RIDA: variants seen among roughly 807,000 people sequenced by gnomAD.
RIDA encodes 2-iminobutanoate/2-iminopropanoate deaminase.
A neutral mutation model predicts 17.8 loss-of-function variants in RIDA; 17 were observed. The ratio of observed to expected loss-of-function variants is 0.96; its 90% CI spans 0.65 to 1.43. RIDA has a LOEUF of 1.43. Ranked by LOEUF, RIDA falls within the 40% of genes most tolerant of loss-of-function variation. RIDA has a pLI of 0.00. For missense variants in RIDA, 158 were observed against 161.7 expected, an observed-to-expected ratio of 0.98 and a Z score of 0.12; for synonymous variants, 48 against 55.7, an observed-to-expected ratio of 0.86 and a Z score of 0.62.
Position 98,117,089 on chromosome 8 carries a change from G to A in RIDA, c.8C>T (p.Ser3Phe), listed in dbSNP as rs773314805. Residue 3 changes from serine to phenylalanine, a missense_variant, in exon 1 of 6, where the codon TCC becomes TTC. Coordinates refer to ENST00000254878, the MANE Select transcript of RIDA (RefSeq NM_005836.3). Reference sequence around the variant, plus strand: ...GGTGCTGATCACCCTTCTGATCAAGGACGACATGGCTAAGCCTTCCCTCTT... The same window carrying A: ...GGTGCTGATCACCCTTCTGATCAAGAACGACATGGCTAAGCCTTCCCTCTT... The part of the protein sequence containing the change: MS[S>F]LIRRVISTAK... The A allele has an allele frequency of 1.2e-6, 2 of 1,614,144 alleles. No individual in the cohort carries two copies. Among genetic ancestry groups the A allele is most frequent in the Admixed American group, 3.3e-5 (2 of 60,038 alleles).
chr8:98,102,627 G>A lies in RIDA; in HGVS notation c.*215C>T. On this transcript the variant is annotated 3_prime_UTR_variant, in exon 6 of 6. Coordinates refer to ENST00000254878, the MANE Select transcript of RIDA (RefSeq NM_005836.3). ...CTCTTTCCTATATTCAGTAATACAG[G>A]TGCACACAGGTGTAATTTAAAAAAG... 2.4e-6 allele frequency: 1 copy of A among 418,768 alleles called. No individual in the cohort carries two copies. The allele number at this position is 418,768 out of a possible 1,614,324, so 25.9% of individuals were successfully genotyped here. A position where few individuals can be genotyped will look rare whatever the true frequency, so the allele number is the denominator to read the frequency against.
chr8:98,104,392 CT>C (rs1815605373), intron 5 of RIDA, 96 bp downstream of exon 5: 2 of 856,500 alleles, frequency 2.3e-6, no homozygotes, highest in Non-Finnish European at 3.9e-6. Flanking sequence ...CAGGCTACTT[CT>C]TTTAAGTTTC....
chr8:98,106,535 G>A (rs763915266), intron 2 of RIDA: 163 of 506,424 alleles, frequency 3.2e-4, no homozygotes, highest in Non-Finnish European at 4.5e-4. Flanking sequence ...CCTTTTGTGC[G>A]TAAAAAGACT....
rs985571019 is a variant in RIDA, at chr8:98,102,580, T to C, written c.*262A>G. 1.0e-5 allele frequency: 3 copies of C among 287,394 alleles called. No homozygotes were observed. The highest frequency in any genetic ancestry group is 6.5e-5 in the African/African-American group (3 of 46,126). 17.8% of individuals were successfully genotyped at this position (287,394 alleles called of 1,614,324 possible). A position where few individuals can be genotyped will look rare whatever the true frequency, so the allele number is the denominator to read the frequency against. On this transcript the variant is annotated 3_prime_UTR_variant, in exon 6 of 6. Coordinates refer to ENST00000254878, the MANE Select transcript of RIDA (RefSeq NM_005836.3). The stretch of plus-strand genomic sequence containing the variant: ...TACCTGGTATTTCTCTTTTGTTTAC[T>C]GAGTAACTATGTAATGGGTATCTCT...
rs1469478665 is a variant in RIDA at position 98,108,745 on chromosome 8, A to T, written c.72T>A (p.Ala24=). The T allele has an allele frequency of 1.2e-6, 2 of 1,600,900 alleles. No homozygotes were observed. The highest frequency in any genetic ancestry group is 1.7e-5 in the Admixed American group (1 of 60,012). The change falls in exon 2 of 6, where the codon GCT becomes GCA. Residue 24 remains alanine, a synonymous_variant. Coordinates refer to ENST00000254878, the MANE Select transcript of RIDA (RefSeq NM_005836.3). ...TGTAAATGGTCCTGTCGACTAATACAGCTTGACTGCAATAAACAGAAAGCT... is the reference window on the plus strand; with the variant it reads ...TGTAAATGGTCCTGTCGACTAATACTGCTTGACTGCAATAAACAGAAAGCT... ...APGAIGPYSQ[A]VLVDRTIYIS...
intron 5 of RIDA, among the ~76,000 whole-genome samples, 180 bp from the exon 6 acceptor site, chr8:98,103,084 G>A (rs913326185): frequency 2.0e-5 from 3 of 152,152 alleles, no homozygotes; most frequent in African/African-American, 7.2e-5. Context: ...ACCATGCTAG[G>A]TATATTCATA....
At chr8:98,104,789 C>T (rs1268203802) in intron 4 of RIDA, among the ~76,000 whole-genome samples, 1 of 152,116 alleles carries the variant, frequency 6.6e-6, no homozygotes, top group African/African-American at 2.4e-5. Flanking sequence ...CAGCTTACTG[C>T]AACCTCTGTC....
chr8:98,116,742 C>T (rs1312030722), intron 1 of RIDA, among the ~76,000 whole-genome samples: 2 of 152,188 alleles, frequency 1.3e-5, no homozygotes, highest in African/African-American at 4.8e-5. Flanking sequence ...ACAAAAACGA[C>T]CCCCTCCCCC....
Position 98,102,772 on chromosome 8 carries a change from A to C in RIDA, c.*70T>G. 9.7e-7 allele frequency: 1 copy of C among 1,030,428 alleles called. No individual in the cohort carries two copies. The highest frequency in any genetic ancestry group is 1.7e-5 in the South Asian group (1 of 59,674). The allele number at this position is 1,030,428 out of a possible 1,614,324, so 63.8% of individuals were successfully genotyped here. ...CATCAATTGTGAAAATTAAAAGGTT[A>C]ATTAAGATGTTACATCAATTGTAAA... is the stretch of plus-strand genomic sequence containing the variant. On this transcript the variant is annotated 3_prime_UTR_variant, in exon 6 of 6. Coordinates refer to ENST00000254878, the MANE Select transcript of RIDA (RefSeq NM_005836.3).
At chr8:98,106,149 T>C (rs1017230781) in intron 3 of RIDA, 123 bp downstream of exon 3, 49 of 1,098,094 alleles carry the variant, frequency 4.5e-5, no homozygotes, top group Non-Finnish European at 6.5e-5. Flanking sequence ...GAACAGTTGC[T>C]ATTTAAAACA....
intron 1 of RIDA, among the ~76,000 whole-genome samples, chr8:98,116,641 G>T (rs182789671): frequency 3.3e-5 from 5 of 151,342 alleles, no homozygotes; most frequent in Admixed American, 3.3e-4. Flanking sequence ...ACAACTCTGT[G>T]AGTATGGTCA....
chr8:98,112,874 T>G (rs1224736528), intron 1 of RIDA, among the ~76,000 whole-genome samples: 1 of 152,206 alleles, frequency 6.6e-6, no homozygotes, highest in African/African-American at 2.4e-5. Flanking sequence ...CTCTTTTATT[T>G]TCAAAATATA....
chr8:98,106,226 C>G (rs753025555), intron 3 of RIDA, 46 bp downstream of exon 3: 10 of 1,571,258 alleles, frequency 6.4e-6, no homozygotes, highest in South Asian at 1.1e-5. Flanking sequence ...TCAAAAAGAC[C>G]AAAGAAATAT....
chr8:98,104,363 A>G, intron 5 of RIDA, 126 bp downstream of exon 5: 2 of 739,062 alleles, frequency 2.7e-6, no homozygotes, highest in Non-Finnish European at 4.8e-6. Context: ...CTGGGATTAC[A>G]GGGGTAAGCC....
intron 1 of RIDA, among the ~76,000 whole-genome samples, chr8:98,114,227 G>C (rs1815768777): frequency 6.6e-6 from 1 of 151,010 alleles, no homozygotes; most frequent in Non-Finnish European, 1.5e-5. Flanking sequence ...ACAACCACAA[G>C]AAAAAAACCA....
At chr8:98,108,831 A>G in intron 1 of RIDA, 80 bp from the exon 2 acceptor site, 1 of 805,424 alleles carries the variant, frequency 1.2e-6, no homozygotes, top group Non-Finnish European at 2.0e-6. Flanking sequence ...TTGATAGGAC[A>G]GAGAAGTATA....
rs11354936 is a variant in RIDA at position 98,105,120 on chromosome 8, CAAA to C, written c.296-579_296-577del. Among the ~76,000 whole-genome samples, 168 of 88,094 alleles carry C rather than the reference CAAA, an allele frequency of 1.9e-3. 2 individuals are homozygous for C. The South Asian group carries it at 0.028, about 15-fold the overall frequency. 57.8% of individuals were successfully genotyped at this position (88,094 alleles called of 152,430 possible). A position where few individuals can be genotyped will look rare whatever the true frequency, so the allele number is the denominator to read the frequency against. ...TTTTTAAAATCTCTTAGCTTTCTGG[CAAA>C]AAAAAAAAAAAAAAAAAAAAAGAAA... is the stretch of plus-strand genomic sequence containing the variant. On this transcript the variant is annotated intron_variant, in intron 4 of 5. Transcript: ENST00000254878.
At chr8:98,104,978 T>C (rs1815612625) in intron 4 of RIDA, among the ~76,000 whole-genome samples, 2 of 152,148 alleles carry the variant, frequency 1.3e-5, no homozygotes, top group South Asian at 4.1e-4. Context: ...CTCAAAGTGC[T>C]GGGATTATAG....
chr8:98,102,824 A>G lies in RIDA; in HGVS notation c.*18T>C. On this transcript the variant is annotated 3_prime_UTR_variant, in exon 6 of 6. Transcript: ENST00000254878. ...ATTAAAATGTTAACAATTCCAGACT[A>G]CACAGCACTGGGCCCACTTATAGTG... The G allele has an allele frequency of 6.4e-7, 1 of 1,570,134 alleles. No individual in the cohort carries two copies. Among genetic ancestry groups the G allele is most frequent in the Non-Finnish European group, 8.7e-7 (1 of 1,148,396 alleles).
Sources: gnomAD v4.1 joint callset for allele counts (sites outside exome capture counted in the v4.1 genomes callset) on GRCh38, gnomAD v4.1.1 for gene constraint, MANE v1.5 for transcripts, NCBI Gene and HGNC (gene_info 2026-07-23, HGNC 2026-07-21) for gene names.